The following CDC25C variants were observed in gnomAD, a reference collection of about 807,000 sequenced individuals.
The protein encoded by CDC25C is M-phase inducer phosphatase 3.
In CDC25C, 48 loss-of-function variants were observed where a neutral mutation model predicts 52.5. That is an observed-to-expected ratio of 0.91 (90% CI 0.72 to 1.16). The LOEUF (loss-of-function observed/expected upper bound fraction) is 1.16. CDC25C is among the 50% of genes most tolerant of loss of function. The pLI, the probability that CDC25C is intolerant of heterozygous loss-of-function variation, is 0.00. For missense variants in CDC25C, 510 were observed against 566.1 expected, an observed-to-expected ratio of 0.90 and a Z score of 1.01; for synonymous variants, 187 against 206.5, an observed-to-expected ratio of 0.91 and a Z score of 0.81.
chr5:138,328,161 C>G (rs1390038867), intron 4 of CDC25C, among the ~76,000 whole-genome samples: 1 of 152,206 alleles, frequency 6.6e-6, no homozygotes, highest in Non-Finnish European at 1.5e-5. Flanking sequence ...GCCACCGTGT[C>G]CGGCCACTCT....
intron 7 of CDC25C, among the ~76,000 whole-genome samples, chr5:138,295,760 T>C (rs1220573545): frequency 6.6e-6 from 1 of 152,198 alleles, no homozygotes; most frequent in Non-Finnish European, 1.5e-5. Flanking sequence ...TCTAGCTAGT[T>C]AGAAGTTTCC....
intron 7 of CDC25C, among the ~76,000 whole-genome samples, chr5:138,309,428 G>GTAATCCTACC (rs1758273606): frequency 2.0e-5 from 3 of 151,602 alleles, no homozygotes. Context: ...GTGGTGGTGG[G>GTAATCCTACC]CACCTGTAAT....
chr5:138,303,367 GA>G (rs1757774501), intron 7 of CDC25C, among the ~76,000 whole-genome samples: 1 of 152,150 alleles, frequency 6.6e-6, no homozygotes, highest in Non-Finnish European at 1.5e-5. Context: ...TAGTACACAT[GA>G]GGAGATGCTT....
At chr5:138,316,655 A>G (rs897270011) in intron 7 of CDC25C, among the ~76,000 whole-genome samples, 12 of 152,162 alleles carry the variant, frequency 7.9e-5, no homozygotes, top group Non-Finnish European at 1.3e-4. Context: ...TAAAAGGCCC[A>G]GGCTCAGCCA....
chr5:138,338,278 G>T, exon 1 of CDC25C: 1 of 911,316 alleles, frequency 1.1e-6, no homozygotes, highest in Non-Finnish European at 1.6e-6. Flanking sequence ...AGCTGCTCCG[G>T]CCGCGGCCCT....
At chr5:138,328,438 G>C in intron 4 of CDC25C, 46 bp downstream of exon 4, 1 of 1,566,608 alleles carries the variant, frequency 6.4e-7, no homozygotes. Context: ...TCTATGACCA[G>C]TGCTAAAAGG....
chr5:138,324,130 G>C (rs970033615), intron 6 of CDC25C, among the ~76,000 whole-genome samples: 1 of 151,628 alleles, frequency 6.6e-6, no homozygotes, highest in Admixed American at 6.6e-5. Flanking sequence ...AATTAGCTGG[G>C]CGTGGCAGCA....
At position 138,331,173 on chromosome 5, in the gene CDC25C, G is replaced by A; in HGVS notation, c.8C>T (p.Thr3Met). 1 of 1,614,024 alleles carries A rather than the reference G, an allele frequency of 6.2e-7. No individual in the cohort carries two copies. Among genetic ancestry groups the A allele is most frequent in the Non-Finnish European group, 8.5e-7 (1 of 1,179,906 alleles). Residue 3 changes from threonine (T) to methionine (M), a missense_variant, in exon 2 of 14, where the codon ACG becomes ATG. Thr to Met is a moderately conservative substitution (Grantham distance 81). Coordinates refer to ENST00000323760, the MANE Select transcript of CDC25C (RefSeq NM_001790.5). MS[T>M]ELFSSTREEG... The stretch of plus-strand genomic sequence containing the variant: ...CTCTCTTGTGGATGAGAAGAGTTCC[G>A]TAGACATGGTCTTCGAATTCTCACC...
intron 7 of CDC25C, among the ~76,000 whole-genome samples, chr5:138,295,180 T>G (rs141369583): frequency 6.6e-6 from 1 of 152,356 alleles, no homozygotes; most frequent in Non-Finnish European, 1.5e-5. Flanking sequence ...TTCTCAAATC[T>G]CTATTCCCTT....
intron 2 of CDC25C, among the ~76,000 whole-genome samples, chr5:138,329,967 G>A (rs1476159394): frequency 2.0e-5 from 3 of 152,096 alleles, no homozygotes; most frequent in African/African-American, 7.2e-5. Context: ...CTAACCTCAG[G>A]TGATCCACCC....
chr5:138,329,986 C>T (rs948010048), intron 2 of CDC25C, among the ~76,000 whole-genome samples: 8 of 152,142 alleles, frequency 5.3e-5, no homozygotes, highest in Non-Finnish European at 8.8e-5. Context: ...CCACCTCGGC[C>T]TTCCAAAGTG....
upstream of CDC25C, chr5:138,335,287 C>G (rs1015734898): frequency 6.6e-6 from 1 of 152,304 alleles, no homozygotes; most frequent in Admixed American, 6.5e-5. Flanking sequence ...AGGCTTAGCC[C>G]TACTTCTCCC....
intron 7 of CDC25C, among the ~76,000 whole-genome samples, chr5:138,310,583 A>G (rs1399073798): frequency 3.3e-5 from 5 of 152,252 alleles, no homozygotes; most frequent in Non-Finnish European, 5.9e-5. Flanking sequence ...GTTAAGTACT[A>G]TTAATTGATA....
intron 7 of CDC25C, 74 bp downstream of exon 7, chr5:138,319,145 A>T: frequency 7.5e-7 from 1 of 1,326,494 alleles, no homozygotes; most frequent in Non-Finnish European, 1.0e-6. Context: ...TCCTAAGTTT[A>T]ATTTGTCTAG....
intron 6 of CDC25C, among the ~76,000 whole-genome samples, chr5:138,323,560 C>G (rs1759606720): frequency 6.6e-6 from 1 of 152,090 alleles, no homozygotes; most frequent in Non-Finnish European, 1.5e-5. Context: ...AATCCTCTCA[C>G]CTCAGCCTCC....
chr5:138,332,610 A>G (rs1049937542), upstream of CDC25C, among the ~76,000 whole-genome samples: 1 of 152,202 alleles, frequency 6.6e-6, no homozygotes, highest in African/African-American at 2.4e-5. Context: ...CCACACCTGT[A>G]ATCCCAGCAC....
At position 138,285,454 on chromosome 5, in the gene CDC25C, T is replaced by C; in HGVS notation, c.*238A>G. ...GGAATGCCAGAGTTCCCTGAACCAA[T>C]ACAAATCTCTATGCAACTCAAGGCT... On this transcript the variant is annotated 3_prime_UTR_variant, in exon 14 of 14. Transcript: ENST00000323760. 1 of 517,614 alleles carries C rather than the reference T, an allele frequency of 1.9e-6. No individual in the cohort carries two copies. Among genetic ancestry groups the C allele is most frequent in the East Asian group, 3.4e-5 (1 of 29,742 alleles). The allele number at this position is 517,614 out of a possible 1,614,324, so 32.1% of individuals were successfully genotyped here.
intron 4 of CDC25C, among the ~76,000 whole-genome samples, chr5:138,326,930 C>T (rs1460677514): frequency 1.1e-5 from 1 of 89,508 alleles, no homozygotes; most frequent in Non-Finnish European, 2.0e-5. Context: ...TAAGCCTAGG[C>T]AACAAGAGCA....
intron 7 of CDC25C, among the ~76,000 whole-genome samples, chr5:138,304,235 C>A (rs1757834731): frequency 6.6e-6 from 1 of 151,526 alleles, no homozygotes; most frequent in Admixed American, 6.6e-5. Flanking sequence ...GTGGTGTGAT[C>A]GTGGTTCACT....
Sources: gnomAD v4.1 joint callset for allele counts (sites outside exome capture counted in the v4.1 genomes callset) on GRCh38, gnomAD v4.1.1 for gene constraint, MANE v1.5 for transcripts, NCBI Gene and HGNC (gene_info 2026-07-23, HGNC 2026-07-21) for gene names.